The following NIPA1 variants were observed in gnomAD, a reference collection of about 807,000 sequenced individuals.
NIPA1 encodes magnesium transporter NIPA1.
In NIPA1, 13 loss-of-function variants were observed where a neutral mutation model predicts 23.9. The ratio of observed to expected loss-of-function variants is 0.54; its 90% CI spans 0.35 to 0.87. The LOEUF (loss-of-function observed/expected upper bound fraction) is 0.87. Ranked by LOEUF, NIPA1 falls within the 40% of genes least tolerant of loss-of-function variation. The pLI is 0.01. For synonymous variants in NIPA1, 234 were observed against 202.9 expected (o/e 1.15, Z -1.30); for missense variants, 362 against 429.7 (o/e 0.84, Z 1.39).
At chr15:22,791,496 TTTTG>T (rs1323368427) in intron 1 of NIPA1, among the ~76,000 whole-genome samples, 3 of 133,784 alleles carry the variant, frequency 2.2e-5, no homozygotes, top group Non-Finnish European at 3.1e-5. Context: ...TTTTTTTTTT[TTTTG>T]TGAGACGGAG....
chr15:22,828,442 G>T lies in NIPA1; in HGVS notation c.*4203G>T, dbSNP rs1220776426. 6.6e-6 allele frequency: 1 copy of T among 152,524 alleles called. No individual in the cohort carries two copies. The highest frequency in any genetic ancestry group is 2.4e-5 in the African/African-American group (1 of 41,410). 9.4% of individuals were successfully genotyped at this position (152,524 alleles called of 1,614,324 possible). The stretch of plus-strand genomic sequence containing the variant: ...AGGGTCTGTCCTTTAGCTTATAGGT[G>T]ATGTTTCACATCTGGCCAGATTCTT... On this transcript the variant is annotated 3_prime_UTR_variant, in exon 5 of 5. Transcript: ENST00000337435.
In NIPA1 at chr15:22,829,774, CTT is replaced by C. The variant is rs1895717954; in HGVS notation, c.*5536_*5537del. On this transcript the variant is annotated 3_prime_UTR_variant, in exon 5 of 5. Coordinates refer to ENST00000337435, the MANE Select transcript of NIPA1 (RefSeq NM_144599.5). Reference sequence around the variant, plus strand: ...CTGTATGTGTTTTAAAATAAAATAACTTATTTCTAGCTGAACATTTGTTGATT... The same window carrying C: ...CTGTATGTGTTTTAAAATAAAATAACATTTCTAGCTGAACATTTGTTGATT... 1.3e-5 allele frequency: 2 copies of C among 152,006 alleles called. No individual in the cohort carries two copies. The highest frequency in any genetic ancestry group is 2.9e-5 in the Non-Finnish European group (2 of 67,986). The allele number at this position is 152,006 out of a possible 1,614,324, so 9.4% of individuals were successfully genotyped here.
intron 1 of NIPA1, among the ~76,000 whole-genome samples, chr15:22,796,349 T>C (rs1167479845): frequency 6.6e-6 from 1 of 152,184 alleles, no homozygotes; most frequent in Admixed American, 6.5e-5. Context: ...CCAATGTAAA[T>C]TTCTACATGA....
At chr15:22,794,381 T>TA (rs1894899533) in intron 1 of NIPA1, among the ~76,000 whole-genome samples, 1 of 151,622 alleles carries the variant, frequency 6.6e-6, no homozygotes, top group Non-Finnish European at 1.5e-5. Context: ...TGTTTATGGG[T>TA]ACAAAGCTTC....
At chr15:22,806,512 A>G (rs1019727408) in intron 1 of NIPA1, among the ~76,000 whole-genome samples, 1 of 152,184 alleles carries the variant, frequency 6.6e-6, no homozygotes, top group Non-Finnish European at 1.5e-5. Flanking sequence ...TGGCAAGACA[A>G]ACAGCATCCT....
At chr15:22,791,598 C>T (rs941430707) in intron 1 of NIPA1, among the ~76,000 whole-genome samples, 1 of 150,454 alleles carries the variant, frequency 6.6e-6, no homozygotes, top group Admixed American at 6.6e-5. Flanking sequence ...ATTCTCCTGC[C>T]TCAGCCTCCC....
chr15:22,822,831 AAAAAC>A (rs1413028343), intron 4 of NIPA1, among the ~76,000 whole-genome samples: 6 of 152,218 alleles, frequency 3.9e-5, no homozygotes, highest in South Asian at 4.2e-4. Flanking sequence ...TCCATCTCAA[AAAAAC>A]AAAACAAACA....
intron 3 of NIPA1, among the ~76,000 whole-genome samples, chr15:22,813,880 GA>G (rs1180522600): frequency 2.6e-5 from 4 of 152,118 alleles, no homozygotes; most frequent in African/African-American, 9.7e-5. Context: ...CTCACTTTGG[GA>G]AACACTCCTC....
chr15:22,798,368 T>A (rs1397842875), intron 1 of NIPA1, among the ~76,000 whole-genome samples: 1 of 147,888 alleles, frequency 6.8e-6, no homozygotes, highest in Non-Finnish European at 1.5e-5. Flanking sequence ...GCCTCCCGAG[T>A]AGCTGGGACT....
In NIPA1 at chr15:22,825,928, CACATAT is replaced by C. The variant is rs1182571768; in HGVS notation, c.*1690_*1695del. 6.6e-6 allele frequency: 1 copy of C among 152,518 alleles called. No individual in the cohort carries two copies. The highest frequency in any genetic ancestry group is 1.5e-5 in the Non-Finnish European group (1 of 68,032). 9.4% of individuals were successfully genotyped at this position (152,518 alleles called of 1,614,324 possible). A position where few individuals can be genotyped will look rare whatever the true frequency, so the allele number is the denominator to read the frequency against. On this transcript the variant is annotated 3_prime_UTR_variant, in exon 5 of 5. Coordinates refer to ENST00000337435, the MANE Select transcript of NIPA1 (RefSeq NM_144599.5). The stretch of plus-strand genomic sequence containing the variant: ...AATGGGAGCATAGCATGAAGTGATG[CACATAT>C]TTCACCACGGTATCATGTACTTCAT...
Position 22,814,316 on chromosome 15 carries a change from G to A in NIPA1, c.317+2063G>A, listed in dbSNP as rs1349248752. Among the ~76,000 whole-genome samples the A allele has an allele frequency of 4.6e-5, 7 of 151,000 alleles. 1 individual carries two copies. The highest frequency in any genetic ancestry group is 4.6e-4 in the Admixed American group (7 of 15,196). On this transcript the variant is annotated intron_variant, in intron 3 of 4. Coordinates refer to ENST00000337435, the MANE Select transcript of NIPA1 (RefSeq NM_144599.5). ...TCTGTCGCCCAGGCTGGAGTGCAGTGGCACGATCTCGGCTCACTGCAAGCT... is the reference window on the plus strand; with the variant it reads ...TCTGTCGCCCAGGCTGGAGTGCAGTAGCACGATCTCGGCTCACTGCAAGCT...
intron 1 of NIPA1, among the ~76,000 whole-genome samples, chr15:22,793,339 C>T (rs1441477331): frequency 4.5e-5 from 5 of 112,058 alleles, no homozygotes; most frequent in Middle Eastern, 0.018. Context: ...AGCCAGGCTA[C>T]GGAGTGAGAC....
chr15:22,822,623 G>A (rs1212519842), intron 4 of NIPA1, among the ~76,000 whole-genome samples: 1 of 152,188 alleles, frequency 6.6e-6, no homozygotes, highest in African/African-American at 2.4e-5. Context: ...AAGGTCAGGA[G>A]TTCGAGACCA....
chr15:22,791,091 C>A (rs1282806833), intron 1 of NIPA1, among the ~76,000 whole-genome samples: 1 of 152,094 alleles, frequency 6.6e-6, no homozygotes, highest in Admixed American at 6.6e-5. Context: ...TATAATATTT[C>A]ATCGCTCCCA....
Position 22,824,150 on chromosome 15 carries a change from G to A in NIPA1, c.901G>A (p.Val301Ile), listed in dbSNP as rs561618931. ...GGGGATGGCCTGTGGATTCACGACCGTCTCCGTGGGGATTGTCCTTATACA... is the reference window on the plus strand; with the variant it reads ...GGGGATGGCCTGTGGATTCACGACCATCTCCGTGGGGATTGTCCTTATACA... ...FLGMACGFTTVSVGIVLIQVF... is the reference protein window; with the variant it reads ...FLGMACGFTTISVGIVLIQVF... Residue 301 changes from valine (V) to isoleucine (I), a missense_variant, in exon 5 of 5, where the codon GTC becomes ATC. Physicochemically the swap from Val to Ile is conservative, Grantham distance 29 (BLOSUM62 3). Around this residue, in one of 2 missense-constraint regions of NIPA1, gnomAD observed 277 missense variants for 372.0 expected, o/e 0.74. Transcript: ENST00000337435. The surrounding 1 kb of genome is among the most constrained non-coding windows in gnomAD (Gnocchi z 4.1). 19 of 1,613,524 alleles carry A rather than the reference G, an allele frequency of 1.2e-5. No individual in the cohort carries two copies. The highest frequency in any genetic ancestry group is 9.9e-5 in the South Asian group (9 of 91,082).
chr15:22,810,908 G>T (rs1286477826), intron 2 of NIPA1, 112 bp downstream of exon 2: 1 of 851,826 alleles, frequency 1.2e-6, no homozygotes, highest in Non-Finnish European at 2.1e-6. Context: ...GGAAGAGGGT[G>T]TCGCGTGGCC....
chr15:22,802,391 CAA>C (rs10689474), intron 1 of NIPA1, among the ~76,000 whole-genome samples: 4 of 114,644 alleles, frequency 3.5e-5, no homozygotes, highest in Admixed American at 9.1e-5. Context: ...GACTCTGTCT[CAA>C]AAAAAAAAAA....
intron 1 of NIPA1, among the ~76,000 whole-genome samples, chr15:22,800,673 A>G (rs984029462): frequency 2.0e-5 from 3 of 152,058 alleles, no homozygotes; most frequent in Non-Finnish European, 4.4e-5. Context: ...TCACGCCTGT[A>G]ATCCCAGCAC....
chr15:22,811,644 T>C (rs1373459113), intron 2 of NIPA1, among the ~76,000 whole-genome samples: 1 of 152,162 alleles, frequency 6.6e-6, no homozygotes, highest in African/African-American at 2.4e-5. Flanking sequence ...GTTTGTCACA[T>C]TTGTCTTTTA....
Sources: allele counts gnomAD v4.1 joint callset (sites outside exome capture counted in the v4.1 genomes callset), GRCh38; gene constraint gnomAD v4.1.1; regional missense constraint gnomAD v4.1.1; non-coding constraint Gnocchi (gnomAD v3.1); transcripts MANE v1.5; gene names NCBI Gene and HGNC (gene_info 2026-07-23, HGNC 2026-07-21).